The following PLCB4 variants were observed in gnomAD, a reference collection of about 807,000 sequenced individuals.
PLCB4 encodes the protein phospholipase C beta 4.
In PLCB4, 77 loss-of-function variants were observed where a neutral mutation model predicts 178.8. The observed-to-expected ratio is 0.43, with a 90% CI of 0.36 to 0.52. The LOEUF is 0.52. Among genes scored for constraint, PLCB4 ranks in the 20% least tolerant of loss-of-function variants. PLCB4 has a pLI of 0.00. For missense variants in PLCB4, 1,024 were observed against 1,453.4 expected, an observed-to-expected ratio of 0.70 and a Z score of 4.80; for synonymous variants, 496 against 490.8, an observed-to-expected ratio of 1.01 and a Z score of -0.14.
chr20:9,444,234 A>G lies in PLCB4; in HGVS notation c.2871A>G (p.Lys957=), dbSNP rs778732308. Residue 957 remains lysine, a synonymous_variant, in exon 32 of 40, where the codon AAA becomes AAG. Coordinates refer to ENST00000378473, the MANE Select transcript of PLCB4 (RefSeq NM_001377142.1). ...AGGAGCTAAATTCTTTAAAGAAGAA[A>G]CATGCAAAGGTACAGTGCTCTACAG... ...QQKELNSLKK[K]HAKEHSTMQK... 1.1e-5 allele frequency: 17 copies of G among 1,593,380 alleles called. No individual in the cohort carries two copies. Among genetic ancestry groups the G allele is most frequent in the Non-Finnish European group, 1.5e-5 (17 of 1,161,894 alleles).
intron 3 of PLCB4, among the ~76,000 whole-genome samples, chr20:9,252,823 T>C (rs915492631): frequency 1.3e-5 from 2 of 152,174 alleles, no homozygotes; most frequent in South Asian, 4.1e-4. Flanking sequence ...CTCCTGTCTT[T>C]GGATCCTGAA....
At chr20:9,174,139 T>C (rs2093113843) in intron 2 of PLCB4, among the ~76,000 whole-genome samples, 1 of 152,110 alleles carries the variant, frequency 6.6e-6, no homozygotes, top group South Asian at 2.1e-4. Flanking sequence ...TGTTTTGTTT[T>C]GTTTTGTTTT....
chr20:9,101,150 G>A (rs925403435), intron 2 of PLCB4, among the ~76,000 whole-genome samples: 2 of 152,060 alleles, frequency 1.3e-5, no homozygotes, highest in African/African-American at 4.8e-5. Flanking sequence ...TGAAGCAGCC[G>A]CCCAACCAGA....
At chr20:9,242,751 G>A (rs1251433769) in intron 3 of PLCB4, among the ~76,000 whole-genome samples, 2 of 152,170 alleles carry the variant, frequency 1.3e-5, no homozygotes, top group East Asian at 3.9e-4. Flanking sequence ...CCCTGGATGA[G>A]CAGTATCCAT....
chr20:9,368,517 G>T (rs894130455), intron 9 of PLCB4, among the ~76,000 whole-genome samples: 6 of 152,194 alleles, frequency 3.9e-5, no homozygotes, highest in African/African-American at 1.4e-4. Flanking sequence ...CAAAACGGCT[G>T]TGTTAAAGAA....
At chr20:9,218,773 A>G (rs1196362470) in intron 3 of PLCB4, among the ~76,000 whole-genome samples, 3 of 152,146 alleles carry the variant, frequency 2.0e-5, no homozygotes, top group Admixed American at 1.3e-4. Context: ...GAATGTTCCT[A>G]TCTATTTTTA....
intron 17 of PLCB4, among the ~76,000 whole-genome samples, chr20:9,392,294 G>A (rs1215706160): frequency 6.6e-6 from 1 of 152,220 alleles, no homozygotes; most frequent in African/African-American, 2.4e-5. Context: ...TCCACAGGGT[G>A]GGAGCAGCCT....
Position 9,339,105 on chromosome 20 carries a change from C to T in PLCB4, c.369+68C>T, listed in dbSNP as rs371104811. The stretch of plus-strand genomic sequence containing the variant: ...TATATGTTGTGTGTTTAATTTTATG[C>T]GTGCTATATTTTTATATACTTAAAT... On this transcript the variant is annotated intron_variant, in intron 7 of 39. Transcript: ENST00000378473. 9.9e-5 allele frequency: 115 copies of T among 1,159,670 alleles called. 1 individual carries two copies. Among genetic ancestry groups the T allele is most frequent in the Non-Finnish European group, 1.2e-4 (101 of 811,344 alleles). The allele number at this position is 1,159,670 out of a possible 1,614,324, so 71.8% of individuals were successfully genotyped here.
intron 15 of PLCB4, among the ~76,000 whole-genome samples, chr20:9,389,333 A>G (rs551697134): frequency 2.0e-5 from 3 of 152,146 alleles, no homozygotes; most frequent in Admixed American, 6.6e-5. Context: ...CCAGGCTAAT[A>G]GGAAACAAGG....
chr20:9,224,124 A>C (rs918234009), intron 3 of PLCB4, among the ~76,000 whole-genome samples: 1 of 152,216 alleles, frequency 6.6e-6, no homozygotes, highest in Non-Finnish European at 1.5e-5. Context: ...TCTCAGAGAC[A>C]GGAGTGTTGA....
chr20:9,231,685 A>C (rs2093934738), intron 3 of PLCB4, among the ~76,000 whole-genome samples: 1 of 152,208 alleles, frequency 6.6e-6, no homozygotes, highest in Admixed American at 6.6e-5. Flanking sequence ...TTAAAGTTTT[A>C]TATTTGGAAA....
intron 1 of PLCB4, among the ~76,000 whole-genome samples, chr20:9,076,298 C>G (rs1033615564): frequency 6.6e-6 from 1 of 152,068 alleles, no homozygotes; most frequent in African/African-American, 2.4e-5. Flanking sequence ...AAAACCCCAT[C>G]TCTACTAAAA....
chr20:9,375,446 C>T (rs143935673), intron 12 of PLCB4, among the ~76,000 whole-genome samples: 1 of 152,264 alleles, frequency 6.6e-6, no homozygotes, highest in East Asian at 1.9e-4. Context: ...GCATTGGAAG[C>T]CCCTGTGAAG....
intron 2 of PLCB4, among the ~76,000 whole-genome samples, chr20:9,130,240 C>T (rs559462633): frequency 1.3e-5 from 2 of 152,250 alleles, no homozygotes; most frequent in African/African-American, 2.4e-5. Flanking sequence ...TAAGTATTTA[C>T]ACACCAACCT....
chr20:9,389,941 C>A lies in PLCB4; in HGVS notation c.1221C>A (p.Ser407=). 1 of 1,562,006 alleles carries A rather than the reference C, an allele frequency of 6.4e-7. No individual in the cohort carries two copies. The highest frequency in any genetic ancestry group is 8.8e-7 in the Non-Finnish European group (1 of 1,134,804). ...FVTSEYPVIL[S]FENHCSKYQQ... ...CATCAGAATATCCTGTAATTCTCTC[C>A]TTTGAAAATCACTGCAGGTATAATG... Residue 407 remains serine (S), a synonymous_variant, in exon 16 of 40, where the codon TCC becomes TCA. Transcript: ENST00000378473.
chr20:9,302,865 T>A (rs571439898), intron 3 of PLCB4, among the ~76,000 whole-genome samples: 103 of 151,992 alleles, frequency 6.8e-4, no homozygotes, highest in South Asian at 5.0e-3. Context: ...TTTTTTTTTT[T>A]ATTTTTATTT....
intron 1 of PLCB4, among the ~76,000 whole-genome samples, chr20:9,074,154 G>GT (rs1174353035): frequency 6.6e-6 from 1 of 152,146 alleles, no homozygotes; most frequent in Non-Finnish European, 1.5e-5. Context: ...TTTTAGCTGT[G>GT]TGACCCTGGG....
rs568990182 is a variant in PLCB4, at chr20:9,227,533, G to A, written c.-16+10081G>A. Reference sequence around the variant, plus strand: ...GGTAGGGGTCTAATTTCATTAATTCGCATGTAGATATCCAGTTGCCCCAGC... The same window carrying A: ...GGTAGGGGTCTAATTTCATTAATTCACATGTAGATATCCAGTTGCCCCAGC... On this transcript the variant is annotated intron_variant, in intron 3 of 39. Transcript: ENST00000378473. 6.6e-5 allele frequency among the ~76,000 whole-genome samples: 10 copies of A among 152,100 alleles called. No homozygotes were observed. In the South Asian group the frequency reaches 8.3e-4, roughly 13 times the overall value.
At chr20:9,366,963 T>C (rs1185207280) in intron 9 of PLCB4, among the ~76,000 whole-genome samples, 1 of 152,158 alleles carries the variant, frequency 6.6e-6, no homozygotes, top group African/African-American at 2.4e-5. Context: ...GGTCACCGAG[T>C]GCGTAGCATC....
Sources: allele counts gnomAD v4.1 joint callset (sites outside exome capture counted in the v4.1 genomes callset), GRCh38; gene constraint gnomAD v4.1.1; transcripts MANE v1.5; gene names NCBI Gene and HGNC (gene_info 2026-07-23, HGNC 2026-07-21).